The following BCAS4 variants were observed in gnomAD, a reference collection of about 807,000 sequenced individuals.
The protein encoded by BCAS4 is breast carcinoma-amplified sequence 4.
Under a neutral mutation model 15.7 loss-of-function variants are expected in BCAS4, and 9 were observed. The observed-to-expected ratio is 0.57, with a 90% confidence interval of 0.34 to 1.00. The LOEUF (loss-of-function observed/expected upper bound fraction) is 1.00, where lower values mean the gene tolerates loss of function less well. Among genes scored for constraint, BCAS4 ranks in the 50% least tolerant of loss-of-function variants. BCAS4 has a pLI of 0.02. For missense variants in BCAS4, 225 were observed against 239.1 expected, an observed-to-expected ratio of 0.94 and a Z score of 0.39; for synonymous variants, 101 against 99.5, an observed-to-expected ratio of 1.02 and a Z score of -0.09.
At chr20:50,816,689 C>T (rs1390541345) in intron 1 of BCAS4, among the ~76,000 whole-genome samples, 1 of 151,734 alleles carries the variant, frequency 6.6e-6, no homozygotes, top group Non-Finnish European at 1.5e-5. Context: ...CAAGTTCTCA[C>T]TCTGTCGCCC....
chr20:50,813,795 G>A (rs112240414), intron 1 of BCAS4, among the ~76,000 whole-genome samples: 12 of 148,864 alleles, frequency 8.1e-5, no homozygotes, highest in African/African-American at 2.7e-4. Flanking sequence ...AAGCGGGGAT[G>A]TGGGAAAAAA....
At chr20:50,830,155 G>A (rs575104815) in intron 2 of BCAS4, 124 bp from the exon 3 acceptor site, 29 of 754,288 alleles carry the variant, frequency 3.8e-5, no homozygotes, top group Non-Finnish European at 5.6e-5. Context: ...CCTGTATTGC[G>A]CAGGATGCCA....
chr20:50,873,298 G>T (rs150205804), intron 4 of BCAS4, among the ~76,000 whole-genome samples: 2 of 152,334 alleles, frequency 1.3e-5, no homozygotes, highest in Admixed American at 6.5e-5. Flanking sequence ...AGGAACAGGG[G>T]GTTGGGATGA....
At chr20:50,831,151 G>T (rs1018229209) in intron 3 of BCAS4, among the ~76,000 whole-genome samples, 1 of 151,776 alleles carries the variant, frequency 6.6e-6, no homozygotes, top group African/African-American at 2.4e-5. Flanking sequence ...GATGGAGGCT[G>T]GGCGCAGTGG....
intron 2 of BCAS4, among the ~76,000 whole-genome samples, chr20:50,825,678 A>G (rs1276806391): frequency 6.6e-6 from 1 of 152,178 alleles, no homozygotes; most frequent in African/African-American, 2.4e-5. Flanking sequence ...GGAGTTCAAG[A>G]CCAGCCTGGC....
chr20:50,829,798 G>T (rs185143660), intron 2 of BCAS4, among the ~76,000 whole-genome samples: 2 of 152,018 alleles, frequency 1.3e-5, no homozygotes. Flanking sequence ...GTGCAAGGAA[G>T]TACTTAGGAC....
intron 3 of BCAS4, among the ~76,000 whole-genome samples, chr20:50,833,590 G>T (rs76669166): frequency 1.3e-5 from 2 of 152,188 alleles, no homozygotes; most frequent in African/African-American, 4.8e-5. Context: ...GTTTCAAAGC[G>T]CTGATCTAGA....
chr20:50,878,499 A>G (rs6096149), downstream of BCAS4: 76,209 of 149,752 alleles, frequency 0.51, 22,243 homozygotes, highest in African/African-American at 0.83. Context: ...GACTTTTACA[A>G]TTTTTTTTTT....
intron 1 of BCAS4, among the ~76,000 whole-genome samples, chr20:50,815,495 C>CCT (rs1367681822): frequency 6.6e-6 from 1 of 152,176 alleles, no homozygotes; most frequent in African/African-American, 2.4e-5. Context: ...ACCACAGTGA[C>CCT]CTCTTGGCTC....
In BCAS4 at chr20:50,801,300, C is replaced by T. The variant is rs1024049630; in HGVS notation, c.90+6127C>T. Among the ~76,000 whole-genome samples the T allele has an allele frequency of 2.6e-5, 4 of 151,880 alleles. No homozygotes were observed. In the South Asian group the frequency reaches 8.3e-4, roughly 32 times the overall value. On this transcript the variant is annotated intron_variant, in intron 1 of 4. Transcript: ENST00000371608. ...AATTAGTTGTGCGTAGTGGCAGGTG[C>T]CTGTAATCCCAGGTAGTTGTGTGGC...
chr20:50,815,133 A>G (rs1250400325), intron 1 of BCAS4, among the ~76,000 whole-genome samples: 3 of 152,192 alleles, frequency 2.0e-5, no homozygotes, highest in Admixed American at 1.3e-4. Flanking sequence ...AGTGAAATGC[A>G]GAGGTTAAGC....
intron 1 of BCAS4, among the ~76,000 whole-genome samples, chr20:50,796,101 G>T (rs961765412): frequency 6.6e-6 from 1 of 151,234 alleles, no homozygotes; most frequent in Non-Finnish European, 1.5e-5. Flanking sequence ...AATCTATCTC[G>T]CCAGGCCTGG....
intron 1 of BCAS4, among the ~76,000 whole-genome samples, chr20:50,810,836 C>T (rs1054510138): frequency 2.0e-4 from 30 of 152,098 alleles, no homozygotes; most frequent in Middle Eastern, 3.4e-3. Flanking sequence ...GTGATCTGTC[C>T]GCCTCGGCCC....
At chr20:50,835,827 C>T (rs1453929309) in intron 3 of BCAS4, among the ~76,000 whole-genome samples, 1 of 152,138 alleles carries the variant, frequency 6.6e-6, no homozygotes, top group Non-Finnish European at 1.5e-5. Flanking sequence ...TTCTCTGTAA[C>T]TGATGCTCCA....
chr20:50,844,634 C>A (rs2088520891), intron 4 of BCAS4, among the ~76,000 whole-genome samples: 1 of 152,130 alleles, frequency 6.6e-6, no homozygotes. Context: ...GAGGCAGAGA[C>A]TGAGGCTTGG....
At chr20:50,877,476 G>C (rs1980013664), downstream of BCAS4, 1 of 152,216 alleles carries the variant, frequency 6.6e-6, no homozygotes, top group Non-Finnish European at 1.5e-5. Flanking sequence ...CCTGCAATGG[G>C]TATTTCTGGA....
At chr20:50,852,870 G>A (rs1448092700) in intron 4 of BCAS4, among the ~76,000 whole-genome samples, 2 of 152,160 alleles carry the variant, frequency 1.3e-5, no homozygotes, top group Non-Finnish European at 2.9e-5. Context: ...CTCGTGGGTG[G>A]GTACCCACCT....
Position 50,842,025 on chromosome 20 carries a change from A to G in BCAS4, c.399+125A>G, listed in dbSNP as rs575839349. ...GCACATTTCACTTCTGCAGACAGGA[A>G]ACGGGTACAGGCGGCCAGGCACCTC... is the stretch of plus-strand genomic sequence containing the variant. On this transcript the variant is annotated intron_variant, in intron 4 of 4. Coordinates refer to ENST00000371608, the MANE Select transcript of BCAS4 (RefSeq NM_198799.4). 4.0e-6 allele frequency: 5 copies of G among 1,262,514 alleles called. No homozygotes were observed. In the African/African-American group the frequency reaches 6.1e-5, roughly 15 times the overall value. The allele number at this position is 1,262,514 out of a possible 1,614,324, so 78.2% of individuals were successfully genotyped here.
intron 4 of BCAS4, among the ~76,000 whole-genome samples, chr20:50,861,108 C>T (rs1407145328): frequency 6.6e-6 from 1 of 151,958 alleles, no homozygotes; most frequent in African/African-American, 2.4e-5. Context: ...CTGGAGGCAT[C>T]CAGTATTGTG....
Sources: allele counts gnomAD v4.1 joint callset (sites outside exome capture counted in the v4.1 genomes callset), GRCh38; gene constraint gnomAD v4.1.1; transcripts MANE v1.5; gene names NCBI Gene and HGNC (gene_info 2026-07-23, HGNC 2026-07-21).